ACSS3: variants seen among roughly 807,000 people sequenced by gnomAD.
ACSS3 encodes acyl-CoA synthetase short-chain family member 3, mitochondrial.
A neutral mutation model predicts 84.2 loss-of-function variants in ACSS3; 64 were observed. The observed-to-expected ratio is 0.76, with a 90% confidence interval of 0.62 to 0.94. The LOEUF (loss-of-function observed/expected upper bound fraction) is 0.94, where lower values mean the gene tolerates loss of function less well. Among genes scored for constraint, ACSS3 ranks in the 40% least tolerant of loss-of-function variants. The probability of loss-of-function intolerance (pLI) is 0.00; values close to 1 mark genes in which losing one functional copy is unlikely to be tolerated. For synonymous variants in ACSS3, 317 were observed against 310.1 expected (o/e 1.02, Z -0.23); for missense variants, 815 against 867.6 (o/e 0.94, Z 0.76).
At chr12:81,148,553 C>G (rs1250244036) in intron 5 of ACSS3, among the ~76,000 whole-genome samples, 1 of 152,118 alleles carries the variant, frequency 6.6e-6, no homozygotes, top group Non-Finnish European at 1.5e-5. Flanking sequence ...CATATTGCTT[C>G]CATTGCTATG....
intron 13 of ACSS3, among the ~76,000 whole-genome samples, chr12:81,243,937 C>T (rs559925784): frequency 6.6e-6 from 1 of 152,082 alleles, no homozygotes; most frequent in East Asian, 1.9e-4. Flanking sequence ...GATGCTCTTC[C>T]TTTATTTTTA....
chr12:81,175,880 T>C (rs1440013612), intron 8 of ACSS3, among the ~76,000 whole-genome samples: 2 of 152,146 alleles, frequency 1.3e-5, no homozygotes, highest in Non-Finnish European at 2.9e-5. Context: ...TTTATAGAAC[T>C]ACATGCCCAT....
intron 2 of ACSS3, among the ~76,000 whole-genome samples, chr12:81,132,494 T>C (rs1168821227): frequency 2.0e-5 from 3 of 152,212 alleles, no homozygotes; most frequent in Non-Finnish European, 2.9e-5. Context: ...TCATTTTTTA[T>C]TGCGTCTATT....
chr12:81,184,083 T>C (rs746109480), intron 8 of ACSS3, among the ~76,000 whole-genome samples: 6 of 152,006 alleles, frequency 3.9e-5, no homozygotes, highest in Admixed American at 6.6e-5. Context: ...TGAAATAATA[T>C]TTAGTATAAT....
chr12:81,215,120 G>A (rs2032857261), intron 9 of ACSS3, among the ~76,000 whole-genome samples: 1 of 152,158 alleles, frequency 6.6e-6, no homozygotes, highest in Admixed American at 6.5e-5. Context: ...GGGAAATGCT[G>A]TTAACACTTC....
At chr12:81,237,406 G>A (rs1311303331) in intron 13 of ACSS3, among the ~76,000 whole-genome samples, 1 of 151,430 alleles carries the variant, frequency 6.6e-6, no homozygotes, top group African/African-American at 2.4e-5. Context: ...AAATTTAGAG[G>A]TTTATTTCTC....
At chr12:81,213,459 C>A (rs112019627) in intron 9 of ACSS3, among the ~76,000 whole-genome samples, 1 of 152,044 alleles carries the variant, frequency 6.6e-6, no homozygotes, top group Admixed American at 6.5e-5. Flanking sequence ...TTTCAGCTCA[C>A]TTTTGTTCTA....
At chr12:81,197,207 C>G (rs2031878657) in intron 8 of ACSS3, among the ~76,000 whole-genome samples, 1 of 152,096 alleles carries the variant, frequency 6.6e-6, no homozygotes, top group Non-Finnish European at 1.5e-5. Flanking sequence ...GGTGATTGCA[C>G]TTCACATATA....
intron 1 of ACSS3, among the ~76,000 whole-genome samples, chr12:81,107,460 G>A (rs1409942283): frequency 2.4e-5 from 3 of 124,154 alleles, no homozygotes; most frequent in Non-Finnish European, 4.9e-5. Context: ...ATTCTAGCAA[G>A]TAAATAGTTT....
intron 13 of ACSS3, among the ~76,000 whole-genome samples, chr12:81,244,496 T>C (rs1185459422): frequency 7.9e-5 from 12 of 152,112 alleles, no homozygotes; most frequent in African/African-American, 2.9e-4. Flanking sequence ...CTATTATGTG[T>C]TTGTTACAGC....
At chr12:81,126,573 T>C (rs923694480) in intron 2 of ACSS3, among the ~76,000 whole-genome samples, 1 of 134,828 alleles carries the variant, frequency 7.4e-6, no homozygotes, top group African/African-American at 2.6e-5. Flanking sequence ...AATTTTAACA[T>C]AAGTATCAAG....
chr12:81,119,979 C>T (rs1365935116), intron 2 of ACSS3, among the ~76,000 whole-genome samples: 14 of 152,086 alleles, frequency 9.2e-5, no homozygotes, highest in African/African-American at 1.2e-4. Flanking sequence ...GTTCCTCTGC[C>T]GTGGCTCCAG....
At chr12:81,154,387 A>G (rs1196003778) in intron 7 of ACSS3, among the ~76,000 whole-genome samples, 1 of 152,188 alleles carries the variant, frequency 6.6e-6, no homozygotes, top group African/African-American at 2.4e-5. Context: ...TGTTGGAATG[A>G]TTTGCTCAAG....
intron 1 of ACSS3, 50 bp downstream of exon 1, chr12:81,078,481 G>T (rs1880764775): frequency 1.3e-6 from 2 of 1,596,666 alleles, no homozygotes; most frequent in African/African-American, 2.7e-5. Context: ...GTAACTTTTT[G>T]GGCGCCAGGA....
In ACSS3 at chr12:81,078,387, C is replaced by T; in HGVS notation, c.267C>T (p.Pro89=). 8.1e-6 allele frequency: 13 copies of T among 1,612,786 alleles called. No homozygotes were observed. The highest frequency in any genetic ancestry group is 1.1e-5 in the Non-Finnish European group (13 of 1,179,990). The change falls in exon 1 of 16, where the codon CCC becomes CCT. Residue 89 remains proline (P), a synonymous_variant. Coordinates refer to ENST00000548058, the MANE Select transcript of ACSS3 (RefSeq NM_024560.4). ...CCGAGCAGATCAGCTGGTACAAGCCCTGGACCAAAACGCTGGAGAACAAAC... is the reference window on the plus strand; with the variant it reads ...CCGAGCAGATCAGCTGGTACAAGCCTTGGACCAAAACGCTGGAGAACAAAC... ...KAAEQISWYK[P]WTKTLENKHS...
chr12:81,096,485 T>G (rs1367726489), intron 1 of ACSS3, among the ~76,000 whole-genome samples: 1 of 152,176 alleles, frequency 6.6e-6, no homozygotes, highest in African/African-American at 2.4e-5. Flanking sequence ...CTTTTGTTAT[T>G]ATTATACTTT....
At chr12:81,145,216 C>T (rs997825917) in intron 5 of ACSS3, among the ~76,000 whole-genome samples, 10 of 151,686 alleles carry the variant, frequency 6.6e-5, no homozygotes, top group Non-Finnish European at 1.3e-4. Context: ...GCGCCCGGCC[C>T]AGGTTTTCTC....
At chr12:81,165,696 A>G (rs946871062) in intron 7 of ACSS3, among the ~76,000 whole-genome samples, 2 of 152,156 alleles carry the variant, frequency 1.3e-5, no homozygotes, top group South Asian at 2.1e-4. Flanking sequence ...AAACAAATCA[A>G]GACACACCTA....
chr12:81,198,417 A>G lies in ACSS3; in HGVS notation c.1251-924A>G, dbSNP rs536683120. On this transcript the variant is annotated intron_variant, in intron 8 of 15. Coordinates refer to ENST00000548058, the MANE Select transcript of ACSS3 (RefSeq NM_024560.4). ...TTGAATCTCCATGAATCTTTATGAA[A>G]TGATATGAAAAATTAAGCGAATAGT... 2.0e-5 allele frequency among the ~76,000 whole-genome samples: 3 copies of G among 152,266 alleles called. No homozygotes were observed. In the East Asian group the frequency reaches 5.8e-4, roughly 29 times the overall value.
Sources: gnomAD v4.1 joint callset for allele counts (sites outside exome capture counted in the v4.1 genomes callset) on GRCh38, gnomAD v4.1.1 for gene constraint, MANE v1.5 for transcripts, NCBI Gene and HGNC (gene_info 2026-07-23, HGNC 2026-07-21) for gene names.